Variants in SULT1C4 observed in about 807,000 individuals in gnomAD.
SULT1C4 encodes sulfotransferase 1C4.
In SULT1C4, 32 loss-of-function variants were observed where a neutral mutation model predicts 34.8. That is an observed-to-expected ratio of 0.92 (90% CI 0.69 to 1.23). SULT1C4 has a LOEUF of 1.23. SULT1C4 is among the 50% of genes most tolerant of loss of function. SULT1C4 has a pLI of 0.00. For missense variants in SULT1C4, 375 were observed against 365.9 expected (o/e 1.02, Z -0.20); for synonymous variants, 111 against 120.5 (o/e 0.92, Z 0.51).
At chr2:108,382,818 G>T in intron 3 of SULT1C4, 1 of 343,588 alleles carries the variant, frequency 2.9e-6, no homozygotes, top group Non-Finnish European at 5.2e-6. Flanking sequence ...CAGGAGACTC[G>T]CTTGAACACA....
intron 5 of SULT1C4, among the ~76,000 whole-genome samples, chr2:108,383,909 C>T (rs1374683161): frequency 1.3e-5 from 2 of 151,474 alleles, no homozygotes; most frequent in Non-Finnish European, 2.9e-5. Flanking sequence ...CACTCTGTCG[C>T]CCAGACTAGA....
intron 5 of SULT1C4, among the ~76,000 whole-genome samples, chr2:108,383,962 G>A (rs777433091): frequency 3.0e-4 from 46 of 151,512 alleles, no homozygotes; most frequent in Admixed American, 2.0e-3. Context: ...TCCGCCTCCC[G>A]GGTTCAAGAG....
rs1558703075 is a variant in SULT1C4 at position 108,386,350 on chromosome 2, CA to C, written c.775del (p.Ile259PhefsTer5). On this transcript the variant is annotated frameshift_variant, in exon 6 of 7. Coordinates refer to ENST00000272452, the MANE Select transcript of SULT1C4 (RefSeq NM_006588.4). LOFTEE classifies it low-confidence loss of function (END_TRUNC). ...TTCCTGCTGAAATCATGGACCACTC[CA>C]TTTCTCCATTCATGAGAAAAGGTTT... ...SIPAEIMDHS[I>X]SPFMRKGAVG... 3.3e-6 allele frequency: 5 copies of C among 1,505,736 alleles called. No homozygotes were observed. The highest frequency in any genetic ancestry group is 4.4e-6 in the Non-Finnish European group (5 of 1,125,858). The allele number at this position is 1,505,736 out of a possible 1,614,324, so 93.3% of individuals were successfully genotyped here.
At chr2:108,384,221 TTTA>T (rs1279149868) in intron 5 of SULT1C4, among the ~76,000 whole-genome samples, 10 of 150,544 alleles carry the variant, frequency 6.6e-5, no homozygotes, top group Middle Eastern at 3.4e-3. Flanking sequence ...TATTTATTTA[TTTA>T]TTTATTTATT....
At position 108,382,552 on chromosome 2, in the gene SULT1C4, C is replaced by T; in HGVS notation, c.393+70C>T. 10 of 1,106,064 alleles carry T rather than the reference C, an allele frequency of 9.0e-6. No individual in the cohort carries two copies. The South Asian group carries it at 1.1e-4, about 12-fold the overall frequency. 68.5% of individuals were successfully genotyped at this position (1,106,064 alleles called of 1,614,324 possible). On this transcript the variant is annotated intron_variant, in intron 3 of 6. Transcript: ENST00000272452. The stretch of plus-strand genomic sequence containing the variant: ...CTTAGTCTTCCATTTCCTCTTAAAA[C>T]ACTTCACTTGTTAAATATATATATA...
intron 6 of SULT1C4, among the ~76,000 whole-genome samples, chr2:108,386,599 C>T (rs904135521): frequency 6.6e-6 from 1 of 152,118 alleles, no homozygotes; most frequent in Admixed American, 6.5e-5. Context: ...CCACTTATCC[C>T]CACTTTCCCT....
At position 108,382,373 on chromosome 2, in the gene SULT1C4, C is replaced by A; in HGVS notation, c.296-12C>A. 1 of 1,606,148 alleles carries A rather than the reference C, an allele frequency of 6.2e-7. No homozygotes were observed. The highest frequency in any genetic ancestry group is 8.5e-7 in the Non-Finnish European group (1 of 1,176,492). On this transcript the variant is annotated splice_polypyrimidine_tract_variant and intron_variant, in intron 2 of 6. Coordinates refer to ENST00000272452, the MANE Select transcript of SULT1C4 (RefSeq NM_006588.4). ...AAAAATCGTAGAAATTGATCGAAAA[C>A]CAGTTTTGCAGGTTTGGAACAAGCT...
chr2:108,386,136 A>G, intron 5 of SULT1C4, 56 bp from the exon 6 acceptor site: 3 of 1,287,780 alleles, frequency 2.3e-6, no homozygotes, highest in Non-Finnish European at 3.0e-6. Context: ...CCATCATAAT[A>G]TTCTTTTTAA....
rs1476460392 is a variant in SULT1C4 at position 108,388,124 on chromosome 2, A to G, written c.*692A>G. On this transcript the variant is annotated 3_prime_UTR_variant, in exon 7 of 7. Transcript: ENST00000272452. Reference sequence around the variant, plus strand: ...CCGGTTCAAGTTAATTTTTAAATGCATCACTAACGTGTAAATAGTGACTGT... The same window carrying G: ...CCGGTTCAAGTTAATTTTTAAATGCGTCACTAACGTGTAAATAGTGACTGT... 12 of 152,204 alleles carry G rather than the reference A, an allele frequency of 7.9e-5. No individual in the cohort carries two copies. The highest frequency in any genetic ancestry group is 7.9e-4 in the Admixed American group (12 of 15,286). 9.4% of individuals were successfully genotyped at this position (152,204 alleles called of 1,614,324 possible).
Position 108,388,463 on chromosome 2 carries a change from C to G in SULT1C4, c.*1031C>G, listed in dbSNP as rs1031163985. Among the ~76,000 whole-genome samples, 1 of 152,294 alleles carries G rather than the reference C, an allele frequency of 6.6e-6. No homozygotes were observed. The highest frequency in any genetic ancestry group is 2.4e-5 in the African/African-American group (1 of 41,542). ...GTTTTCCTTCTATTTCTATAGCCACCCTTCTGGTTCACAAACCTTTTACTT... is the reference window on the plus strand; with the variant it reads ...GTTTTCCTTCTATTTCTATAGCCACGCTTCTGGTTCACAAACCTTTTACTT... On this transcript the variant is annotated 3_prime_UTR_variant, in exon 7 of 7. Coordinates refer to ENST00000272452, the MANE Select transcript of SULT1C4 (RefSeq NM_006588.4).
intron 1 of SULT1C4, among the ~76,000 whole-genome samples, chr2:108,380,395 G>A (rs1678354884): frequency 1.3e-5 from 2 of 152,072 alleles, no homozygotes; most frequent in South Asian, 4.1e-4. Context: ...TGCACTCACA[G>A]TCCTAGCTAT....
rs17269349 is a variant in SULT1C4, at chr2:108,388,269, G to A, written c.*837G>A. ...ACATCTGTCCCCATCTCTCACTGGC[G>A]TATATATTTAACTGGACTCACTCTC... On this transcript the variant is annotated 3_prime_UTR_variant, in exon 7 of 7. Coordinates refer to ENST00000272452, the MANE Select transcript of SULT1C4 (RefSeq NM_006588.4). Among the ~76,000 whole-genome samples the A allele has an allele frequency of 8.5e-5, 13 of 152,090 alleles. No homozygotes were observed. The highest frequency in any genetic ancestry group is 2.2e-4 in the African/African-American group (9 of 41,480).
At chr2:108,387,283 A>G (rs1193082430) in intron 6 of SULT1C4, 37 bp from the exon 7 acceptor site, 1 of 1,502,292 alleles carries the variant, frequency 6.7e-7, no homozygotes, top group South Asian at 1.2e-5. Flanking sequence ...GACTCTTCCA[A>G]CAGCTACTGA....
In SULT1C4 at chr2:108,388,888, A is replaced by G. The variant is rs1411734607; in HGVS notation, c.*1456A>G. On this transcript the variant is annotated 3_prime_UTR_variant, in exon 7 of 7. Coordinates refer to ENST00000272452, the MANE Select transcript of SULT1C4 (RefSeq NM_006588.4). ...CTTCAATAACCAGTCCCTTCCTCCT[A>G]CAAACACTACAACCTGGAAAGCACT... Among the ~76,000 whole-genome samples, 1 of 152,132 alleles carries G rather than the reference A, an allele frequency of 6.6e-6. No individual in the cohort carries two copies. The highest frequency in any genetic ancestry group is 1.5e-5 in the Non-Finnish European group (1 of 68,016).
At chr2:108,380,513 C>A (rs912196623) in intron 1 of SULT1C4, among the ~76,000 whole-genome samples, 1 of 152,076 alleles carries the variant, frequency 6.6e-6, no homozygotes, top group African/African-American at 2.4e-5. Context: ...GACCCTGTCT[C>A]TGGAAAAATA....
At chr2:108,381,981 A>G (rs1678412350) in intron 2 of SULT1C4, 94 bp downstream of exon 2, 8 of 1,309,526 alleles carry the variant, frequency 6.1e-6, no homozygotes, top group Non-Finnish European at 8.0e-6. Flanking sequence ...CTTTCAAACA[A>G]TTATTGGTAA....
In SULT1C4 at chr2:108,383,656, A is replaced by G. The variant is rs5008103; in HGVS notation, c.615+146A>G. ...TTACAGCTGTCATTTGTCAAAGTGCACATGGCTGATCATGAGTTTAAGTAT... is the reference window on the plus strand; with the variant it reads ...TTACAGCTGTCATTTGTCAAAGTGCGCATGGCTGATCATGAGTTTAAGTAT... On this transcript the variant is annotated intron_variant, in intron 5 of 6. Coordinates refer to ENST00000272452, the MANE Select transcript of SULT1C4 (RefSeq NM_006588.4). 0.034 allele frequency: 22,272 copies of G among 647,106 alleles called. 1,496 individuals are homozygous for G. Among genetic ancestry groups the G allele is most frequent in the African/African-American group, 0.22 (12,079 of 54,930 alleles). 40.1% of individuals were successfully genotyped at this position (647,106 alleles called of 1,614,324 possible).
chr2:108,381,984 AT>A, intron 2 of SULT1C4, 97 bp downstream of exon 2: 1 of 1,302,404 alleles, frequency 7.7e-7, no homozygotes. Context: ...TCAAACAATT[AT>A]TGGTAAGTTT....
chr2:108,381,349 T>A (rs956680827), intron 1 of SULT1C4, among the ~76,000 whole-genome samples: 26 of 152,198 alleles, frequency 1.7e-4, no homozygotes, highest in Non-Finnish European at 3.7e-4. Context: ...TAAATTCACA[T>A]AGATGGTCCA....
Sources: gnomAD v4.1 joint callset for allele counts (sites outside exome capture counted in the v4.1 genomes callset) on GRCh38, gnomAD v4.1.1 for gene constraint, MANE v1.5 for transcripts, NCBI Gene and HGNC (gene_info 2026-07-23, HGNC 2026-07-21) for gene names.